RBFOX1: variants seen among roughly 807,000 people sequenced by gnomAD.
The protein encoded by RBFOX1 is RNA binding fox-1 homolog 1.
RBFOX1 carries 8 observed loss-of-function variants against 57.7 expected under a neutral mutation model. That is an observed-to-expected ratio of 0.14 (90% CI 0.08 to 0.25). The LOEUF (loss-of-function observed/expected upper bound fraction) is 0.25. Ranked by LOEUF, RBFOX1 falls within the 10% of genes least tolerant of loss-of-function variation. The pLI is 1.00. For synonymous variants in RBFOX1, 326 were observed against 222.4 expected, an observed-to-expected ratio of 1.47 and a Z score of -4.15; for missense variants, 611 against 548.5, an observed-to-expected ratio of 1.11 and a Z score of -1.14.
At chr16:6,815,344 C>A (rs926406441) in intron 3 of RBFOX1, among the ~76,000 whole-genome samples, 1 of 152,128 alleles carries the variant, frequency 6.6e-6, no homozygotes. Flanking sequence ...ACTCCTGTCT[C>A]ATCCTGTGAC....
intron 3 of RBFOX1, among the ~76,000 whole-genome samples, chr16:6,836,214 C>A (rs2093084493): frequency 1.3e-5 from 2 of 152,150 alleles, no homozygotes; most frequent in South Asian, 4.1e-4. Context: ...CTCATCGTTT[C>A]TTGAAAAAGA....
chr16:7,298,691 C>T (rs1023898671), intron 4 of RBFOX1, among the ~76,000 whole-genome samples: 6 of 152,126 alleles, frequency 3.9e-5, no homozygotes, highest in African/African-American at 1.2e-4. Context: ...ATGTTACATG[C>T]ATTATATATG....
intron 3 of RBFOX1, among the ~76,000 whole-genome samples, chr16:5,757,679 C>A (rs572072470): frequency 1.2e-4 from 18 of 152,228 alleles, no homozygotes; most frequent in African/African-American, 4.3e-4. Context: ...TTGCCACATG[C>A]TTGTGATTTT....
At chr16:6,212,147 T>G (rs2097302647) in intron 1 of RBFOX1, among the ~76,000 whole-genome samples, 1 of 152,080 alleles carries the variant, frequency 6.6e-6, no homozygotes, top group Non-Finnish European at 1.5e-5. Flanking sequence ...TATGAGCCAC[T>G]GTCCTCGGCC....
intron 3 of RBFOX1, among the ~76,000 whole-genome samples, chr16:5,735,005 C>T (rs552241489): frequency 1.1e-4 from 16 of 152,174 alleles, no homozygotes; most frequent in Non-Finnish European, 1.9e-4. Flanking sequence ...AGAAAGAAGA[C>T]AACTCCAAGG....
At chr16:7,002,032 A>G (rs1259817996) in intron 3 of RBFOX1, among the ~76,000 whole-genome samples, 1 of 151,614 alleles carries the variant, frequency 6.6e-6, no homozygotes, top group Non-Finnish European at 1.5e-5. Context: ...TGATTCAGGG[A>G]TGGGCATGTG....
At chr16:7,273,786 G>C (rs1373216733) in intron 4 of RBFOX1, among the ~76,000 whole-genome samples, 2 of 152,128 alleles carry the variant, frequency 1.3e-5, no homozygotes, top group Non-Finnish European at 2.9e-5. Flanking sequence ...ATTTCATTGT[G>C]TTGTTCATAA....
chr16:7,460,000 A>G (rs184218740), intron 4 of RBFOX1, among the ~76,000 whole-genome samples: 1 of 152,320 alleles, frequency 6.6e-6, no homozygotes, highest in African/African-American at 2.4e-5. Flanking sequence ...AGTTTAAACA[A>G]GAGAAACAGG....
At chr16:5,306,432 G>T (rs561710279) in intron 1 of RBFOX1, among the ~76,000 whole-genome samples, 1 of 151,730 alleles carries the variant, frequency 6.6e-6, no homozygotes, top group East Asian at 1.9e-4. Context: ...TGATTCTCCT[G>T]CCTCAGCCTT....
intron 4 of RBFOX1, among the ~76,000 whole-genome samples, chr16:7,438,001 G>A (rs762768565): frequency 1.5e-4 from 23 of 152,098 alleles, no homozygotes; most frequent in Middle Eastern, 6.8e-3. Flanking sequence ...AGAAGTCCAC[G>A]TGGAATAATC....
intron 4 of RBFOX1, among the ~76,000 whole-genome samples, chr16:7,188,565 A>T (rs1407667025): frequency 6.6e-6 from 1 of 152,098 alleles, no homozygotes; most frequent in Non-Finnish European, 1.5e-5. Flanking sequence ...TCGTTCCCTG[A>T]ATGCTATTTT....
intron 4 of RBFOX1, among the ~76,000 whole-genome samples, chr16:5,993,351 G>A (rs1596362019): frequency 5.8e-5 from 4 of 69,326 alleles, no homozygotes; most frequent in Non-Finnish European, 1.1e-4. Flanking sequence ...GTGTGTGTGT[G>A]TGTGTGTGTG....
At chr16:7,708,655 A>T (rs537769684) in intron 14 of RBFOX1, among the ~76,000 whole-genome samples, 1 of 152,196 alleles carries the variant, frequency 6.6e-6, no homozygotes, top group African/African-American at 2.4e-5. Flanking sequence ...GTGACAGCTG[A>T]ATCAGGAGAA....
intron 4 of RBFOX1, among the ~76,000 whole-genome samples, chr16:7,380,091 C>A (rs1047500575): frequency 1.4e-4 from 21 of 152,106 alleles, no homozygotes; most frequent in African/African-American, 4.8e-4. Context: ...CTCTTGGCCT[C>A]AAGTAGTCCT....
intron 1 of RBFOX1, among the ~76,000 whole-genome samples, chr16:6,219,743 T>C (rs1045403616): frequency 6.6e-6 from 1 of 151,914 alleles, no homozygotes; most frequent in African/African-American, 2.4e-5. Flanking sequence ...AGCTGTGGTG[T>C]TGGGTGCCAG....
At chr16:7,021,987 CTT>C (rs2039332544) in intron 3 of RBFOX1, among the ~76,000 whole-genome samples, 1 of 42,828 alleles carries the variant, frequency 2.3e-5, no homozygotes, top group African/African-American at 9.8e-5. Flanking sequence ...TCCCCCTCCC[CTT>C]CCCCCTCCCC....
intron 13 of RBFOX1, among the ~76,000 whole-genome samples, chr16:7,668,514 C>G (rs1193115463): frequency 6.6e-6 from 1 of 152,080 alleles, no homozygotes; most frequent in Non-Finnish European, 1.5e-5. Flanking sequence ...GAGCTGAGCC[C>G]TGCAGGAAAC....
intron 1 of RBFOX1, among the ~76,000 whole-genome samples, chr16:5,291,205 G>T (rs1281519413): frequency 3.3e-5 from 5 of 151,328 alleles, no homozygotes; most frequent in African/African-American, 1.2e-4. Context: ...ATAAAGGGCT[G>T]ATGTAGGGAT....
chr16:6,712,348 C>T (rs963455315), intron 3 of RBFOX1, among the ~76,000 whole-genome samples: 11 of 152,108 alleles, frequency 7.2e-5, no homozygotes, highest in South Asian at 2.1e-4. Context: ...CCCGAGACCA[C>T]GTTGTTGAAA....
Sources: gnomAD v4.1 joint callset for allele counts (sites outside exome capture counted in the v4.1 genomes callset) on GRCh38, gnomAD v4.1.1 for gene constraint, MANE v1.5 for transcripts, NCBI Gene and HGNC (gene_info 2026-07-23, HGNC 2026-07-21) for gene names.